The following DPP10 variants were observed in gnomAD, a reference collection of about 807,000 sequenced individuals.
The protein encoded by DPP10 is inactive dipeptidyl peptidase 10.
In DPP10, 33 loss-of-function variants were observed where a neutral mutation model predicts 120.9. The observed-to-expected ratio is 0.27, with a 90% CI of 0.21 to 0.37. DPP10 has a LOEUF of 0.37. Among genes scored for constraint, DPP10 ranks in the 10% least tolerant of loss-of-function variants. The pLI, the probability that DPP10 is intolerant of heterozygous loss-of-function variation, is 1.00. For missense variants in DPP10, 816 were observed against 942.8 expected (o/e 0.87, Z 1.76); for synonymous variants, 337 against 326.1 (o/e 1.03, Z -0.36).
chr2:115,120,198 G>A (rs1573685915), intron 1 of DPP10, among the ~76,000 whole-genome samples: 1 of 152,206 alleles, frequency 6.6e-6, no homozygotes, highest in East Asian at 1.9e-4. Flanking sequence ...ACAGGCCAAG[G>A]AGGCTTTTGT....
chr2:114,883,577 T>C (rs1691821191), intron 1 of DPP10, among the ~76,000 whole-genome samples: 1 of 152,210 alleles, frequency 6.6e-6, no homozygotes, highest in Non-Finnish European at 1.5e-5. Flanking sequence ...TCTTTCAATG[T>C]ATTAGTAAAA....
intron 5 of DPP10, among the ~76,000 whole-genome samples, chr2:115,587,089 C>CTTTTTTTTTT (rs756810925): frequency 7.3e-4 from 76 of 103,902 alleles, no homozygotes; most frequent in East Asian, 1.3e-3. Flanking sequence ...TTTTCTCTTT[C>CTTTTTTTTTT]TTTTTTTTTT....
At chr2:115,587,989 G>T (rs1206114377) in intron 5 of DPP10, among the ~76,000 whole-genome samples, 2 of 151,984 alleles carry the variant, frequency 1.3e-5, no homozygotes, top group Non-Finnish European at 2.9e-5. Flanking sequence ...TATTGTAGTT[G>T]GTCATATTTT....
At chr2:115,747,362 T>G (rs1396106564) in intron 10 of DPP10, among the ~76,000 whole-genome samples, 2 of 152,340 alleles carry the variant, frequency 1.3e-5, no homozygotes, top group East Asian at 3.9e-4. Flanking sequence ...TAACATTTAT[T>G]TCTGAGCTTG....
chr2:115,825,312 C>G (rs1688200457), intron 21 of DPP10, among the ~76,000 whole-genome samples: 1 of 152,094 alleles, frequency 6.6e-6, no homozygotes, highest in South Asian at 2.1e-4. Context: ...GTGTCGTTTC[C>G]TCCATTAACC....
intron 5 of DPP10, among the ~76,000 whole-genome samples, chr2:115,541,684 A>G (rs1402466570): frequency 6.6e-6 from 1 of 151,882 alleles, no homozygotes; most frequent in Non-Finnish European, 1.5e-5. Context: ...TTAAAATACT[A>G]GGTTAATTAA....
intron 5 of DPP10, among the ~76,000 whole-genome samples, chr2:115,533,958 C>G (rs1042201186): frequency 2.0e-5 from 3 of 151,644 alleles, no homozygotes. Flanking sequence ...TTGAAAAGTC[C>G]CTAGGAGGTG....
chr2:114,836,118 C>T (rs542436031), intron 1 of DPP10, among the ~76,000 whole-genome samples: 15 of 152,278 alleles, frequency 9.9e-5, no homozygotes, highest in Middle Eastern at 3.4e-3. Flanking sequence ...CAATTCCATG[C>T]AAGGCCACCT....
At chr2:114,499,406 T>C (rs953470558) in intron 1 of DPP10, among the ~76,000 whole-genome samples, 4 of 152,210 alleles carry the variant, frequency 2.6e-5, no homozygotes, top group Admixed American at 6.5e-5. Flanking sequence ...AGTTGGCCTC[T>C]TTGAAGATGT....
At chr2:115,083,728 C>G (rs1045836235) in intron 1 of DPP10, among the ~76,000 whole-genome samples, 2 of 152,170 alleles carry the variant, frequency 1.3e-5, no homozygotes, top group Non-Finnish European at 2.9e-5. Flanking sequence ...AACATATTTG[C>G]TACCACAATT....
At chr2:114,942,331 A>ATATATATG (rs1351309116) in intron 1 of DPP10, among the ~76,000 whole-genome samples, 2 of 119,332 alleles carry the variant, frequency 1.7e-5, no homozygotes, top group East Asian at 3.3e-4. Flanking sequence ...ACACACACAT[A>ATATATATG]TATATATACG....
chr2:114,899,479 G>A (rs995512886), intron 1 of DPP10, among the ~76,000 whole-genome samples: 3 of 151,930 alleles, frequency 2.0e-5, no homozygotes, highest in African/African-American at 2.4e-5. Flanking sequence ...CCCTCTACCC[G>A]ATGAAACCAC....
intron 5 of DPP10, among the ~76,000 whole-genome samples, chr2:115,630,880 T>A (rs574839832): frequency 1.3e-5 from 2 of 152,220 alleles, no homozygotes; most frequent in South Asian, 4.1e-4. Flanking sequence ...TTGTGGTATC[T>A]CTGCCAGGTT....
chr2:114,987,804 C>CTTTTTTTTTTTTTTTTTTT lies in DPP10; in HGVS notation c.61-321423_61-321422insTTTTTTTTTTTTTTTTTTT, dbSNP rs59203543. Among the ~76,000 whole-genome samples, 134 of 101,034 alleles carry CTTTTTTTTTTTTTTTTTTT rather than the reference C, an allele frequency of 1.3e-3. 5 individuals are homozygous for CTTTTTTTTTTTTTTTTTTT. The highest frequency in any genetic ancestry group is 2.6e-3 in the African/African-American group (66 of 25,852). The allele number at this position is 101,034 out of a possible 152,430, so 66.3% of individuals were successfully genotyped here. A position where few individuals can be genotyped will look rare whatever the true frequency, so the allele number is the denominator to read the frequency against. On this transcript the variant is annotated intron_variant, in intron 1 of 25. Coordinates refer to ENST00000410059, the MANE Select transcript of DPP10 (RefSeq NM_020868.6). ...TATACTCCTTGAGTGTGGAGACTGT[C>CTTTTTTTTTTTTTTTTTTT]TTTTTTTTTTTTATTTTGAGATGGA...
intron 1 of DPP10, among the ~76,000 whole-genome samples, chr2:114,889,038 C>T (rs113855730): frequency 0.01 from 1,537 of 152,096 alleles, 26 homozygotes; most frequent in African/African-American, 0.034. Context: ...GGTGTCTTTA[C>T]GAGAAGGCAT....
intron 12 of DPP10, among the ~76,000 whole-genome samples, chr2:115,766,266 C>G (rs1441377306): frequency 3.2e-5 from 4 of 124,406 alleles, no homozygotes; most frequent in African/African-American, 1.2e-4. Context: ...ATACAATGAA[C>G]AAAAATACTC....
chr2:115,544,816 G>A (rs1228837794), intron 5 of DPP10, among the ~76,000 whole-genome samples: 1 of 151,992 alleles, frequency 6.6e-6, no homozygotes, highest in Non-Finnish European at 1.5e-5. Flanking sequence ...GTGGTGAATT[G>A]ATTTCAAATG....
rs531215382 is a variant in DPP10, at chr2:114,515,748, G to A, written c.60+72910G>A. 1.7e-4 allele frequency among the ~76,000 whole-genome samples: 25 copies of A among 150,704 alleles called. No homozygotes were observed. In the East Asian group the frequency reaches 4.1e-3, roughly 25 times the overall value. On this transcript the variant is annotated intron_variant, in intron 1 of 25. Coordinates refer to ENST00000410059, the MANE Select transcript of DPP10 (RefSeq NM_020868.6). Reference sequence around the variant, plus strand: ...CCCTTTTCCTTCTTCTTTTTCTGTTGATTTTTTATCATTTAATTTTGATCC... The same window carrying A: ...CCCTTTTCCTTCTTCTTTTTCTGTTAATTTTTTATCATTTAATTTTGATCC...
chr2:115,495,715 G>T (rs1575016438), intron 3 of DPP10, among the ~76,000 whole-genome samples: 1 of 152,238 alleles, frequency 6.6e-6, no homozygotes, highest in East Asian at 1.9e-4. Flanking sequence ...TAGGGTTACT[G>T]CAGACTGAAA....
Sources: gnomAD v4.1 joint callset for allele counts (sites outside exome capture counted in the v4.1 genomes callset) on GRCh38, gnomAD v4.1.1 for gene constraint, MANE v1.5 for transcripts, NCBI Gene and HGNC (gene_info 2026-07-23, HGNC 2026-07-21) for gene names.